SVEP1: variants seen among roughly 807,000 people sequenced by gnomAD.
The protein encoded by SVEP1 is sushi, von Willebrand factor type A, EGF and pentraxin domain-containing protein 1.
A neutral mutation model predicts 367.3 loss-of-function variants in SVEP1; 164 were observed. That is an observed-to-expected ratio of 0.45 (90% CI 0.39 to 0.51). The LOEUF (loss-of-function observed/expected upper bound fraction) is 0.51, where lower values mean the gene tolerates loss of function less well. Among genes scored for constraint, SVEP1 ranks in the 20% least tolerant of loss-of-function variants. The pLI, the probability that SVEP1 is intolerant of heterozygous loss-of-function variation, is 0.00. For synonymous variants in SVEP1, 1,666 were observed against 1,611.6 expected, an observed-to-expected ratio of 1.03 and a Z score of -0.81; for missense variants, 4,117 against 4,425.3, an observed-to-expected ratio of 0.93 and a Z score of 1.98.
Position 110,408,568 on chromosome 9 carries a change from A to C in SVEP1, c.7032T>G (p.Val2344=), listed in dbSNP as rs1408250830. The part of the protein sequence containing the change: ...VLKELTTEVG[V]VTFSCKEGHV... ...GCCCTTCTTTACAGGAAAATGTCAC[A>C]ACTCCTACCTCGGTGGTCAACTCCT... The change falls in exon 38 of 48, where the codon GTT becomes GTG. Residue 2344 remains valine, a synonymous_variant. Coordinates refer to ENST00000374469, the MANE Select transcript of SVEP1 (RefSeq NM_153366.4). 6.2e-7 allele frequency: 1 copy of C among 1,613,834 alleles called. No individual in the cohort carries two copies. Among genetic ancestry groups the C allele is most frequent in the Non-Finnish European group, 8.5e-7 (1 of 1,179,854 alleles).
Position 110,411,391 on chromosome 9 carries a change from A to G in SVEP1, c.6320T>C (p.Val2107Ala). Residue 2107 changes from valine (V) to alanine (A), a missense_variant, in exon 37 of 48, where the codon GTT (valine) becomes GCT (alanine). Physicochemically the swap from Val to Ala is moderately conservative, Grantham distance 64. This residue lies in a region of SVEP1 where 2,174 missense variants were observed against 2,494.3 expected (regional missense o/e 0.87). Coordinates refer to ENST00000374469, the MANE Select transcript of SVEP1 (RefSeq NM_153366.4). ...GCCTTCCATGCATTTAAAGCTCACAACTGAGCCAGCTGCAAATTTTGCTTT... is the reference window on the plus strand; with the variant it reads ...GCCTTCCATGCATTTAAAGCTCACAGCTGAGCCAGCTGCAAATTTTGCTTT... ...VSKAKFAAGSVVSFKCMEGFV... is the reference protein window; with the variant it reads ...VSKAKFAAGSAVSFKCMEGFV... The G allele has an allele frequency of 1.2e-6, 2 of 1,614,006 alleles. No homozygotes were observed. Among genetic ancestry groups the G allele is most frequent in the Non-Finnish European group, 1.7e-6 (2 of 1,179,888 alleles).
chr9:110,390,381 A>C (rs1182092954), intron 40 of SVEP1, among the ~76,000 whole-genome samples: 1 of 100,060 alleles, frequency 1.0e-5, no homozygotes, highest in Non-Finnish European at 2.1e-5. Context: ...CTACTTATAT[A>C]TATATATACT....
intron 3 of SVEP1, among the ~76,000 whole-genome samples, chr9:110,526,047 C>T (rs1829936424): frequency 6.6e-6 from 1 of 152,086 alleles, no homozygotes; most frequent in Non-Finnish European, 1.5e-5. Flanking sequence ...GTAAAAATAT[C>T]ATGGATTTAA....
Position 110,448,666 on chromosome 9 carries a change from C to T in SVEP1, c.4103+1393G>A, listed in dbSNP as rs557109700. 2.0e-5 allele frequency among the ~76,000 whole-genome samples: 3 copies of T among 152,348 alleles called. No homozygotes were observed. The East Asian group carries it at 5.8e-4, about 29-fold the overall frequency. On this transcript the variant is annotated intron_variant, in intron 24 of 47. Coordinates refer to ENST00000374469, the MANE Select transcript of SVEP1 (RefSeq NM_153366.4). Reference sequence around the variant, plus strand: ...TCTGAATTGGGAGCGTGTACCTTCACCTTTCTTCTAGTTAGGATTTAGACA... The same window carrying T: ...TCTGAATTGGGAGCGTGTACCTTCATCTTTCTTCTAGTTAGGATTTAGACA...
intron 13 of SVEP1, 74 bp downstream of exon 13, chr9:110,479,561 C>A: frequency 6.8e-7 from 1 of 1,465,646 alleles, no homozygotes; most frequent in Admixed American, 2.6e-5. Flanking sequence ...TGAGAAATCG[C>A]AGTTGTAAAT....
At chr9:110,410,912 A>C (rs1456766626) in intron 37 of SVEP1, 151 bp downstream of exon 37, 8 of 602,368 alleles carry the variant, frequency 1.3e-5, no homozygotes, top group Non-Finnish European at 1.9e-5. Context: ...TAAAAAGATT[A>C]TCATGATTCT....
At chr9:110,466,617 C>T (rs1215726587) in intron 17 of SVEP1, among the ~76,000 whole-genome samples, 1 of 150,826 alleles carries the variant, frequency 6.6e-6, no homozygotes, top group Non-Finnish European at 1.5e-5. Flanking sequence ...AAAAATTAGC[C>T]GGGCGTAGTG....
intron 18 of SVEP1, among the ~76,000 whole-genome samples, chr9:110,465,287 G>C (rs557792698): frequency 6.6e-6 from 1 of 150,444 alleles, no homozygotes; most frequent in Non-Finnish European, 1.5e-5. Flanking sequence ...TAATCACCTG[G>C]GGAAACTTAA....
intron 9 of SVEP1, among the ~76,000 whole-genome samples, chr9:110,485,634 A>G (rs952147418): frequency 6.6e-6 from 1 of 152,210 alleles, no homozygotes; most frequent in Non-Finnish European, 1.5e-5. Context: ...CTTTAATTTA[A>G]TTATACATTT....
chr9:110,542,434 C>T (rs1830163310), intron 3 of SVEP1, among the ~76,000 whole-genome samples: 1 of 152,102 alleles, frequency 6.6e-6, no homozygotes, highest in East Asian at 1.9e-4. Context: ...AGGATAAATA[C>T]TCAGAATTCC....
chr9:110,514,205 A>G, intron 3 of SVEP1, 99 bp from the exon 4 acceptor site: 1 of 1,462,804 alleles, frequency 6.8e-7, no homozygotes, highest in Non-Finnish European at 9.3e-7. Flanking sequence ...GCCAAACAAT[A>G]GTTTTCCATA....
intron 36 of SVEP1, among the ~76,000 whole-genome samples, chr9:110,422,514 TG>T (rs1828174668): frequency 3.5e-5 from 1 of 28,930 alleles, no homozygotes; most frequent in Admixed American, 3.9e-4. Flanking sequence ...ACTTTTACAC[TG>T]TTGGTGGGAC....
chr9:110,422,788 C>T (rs1026641319), intron 36 of SVEP1, among the ~76,000 whole-genome samples: 1 of 103,428 alleles, frequency 9.7e-6, no homozygotes, highest in Non-Finnish European at 2.0e-5. Context: ...TACTATGCAG[C>T]CATAAAAAAT....
At chr9:110,429,417 T>C in intron 34 of SVEP1, 83 bp from the exon 35 acceptor site, 1 of 1,006,694 alleles carries the variant, frequency 9.9e-7, no homozygotes, top group African/African-American at 1.6e-5. Flanking sequence ...TCTAAAAATA[T>C]TAAGAATTTA....
intron 47 of SVEP1, 144 bp downstream of exon 47, chr9:110,369,779 G>A: frequency 1.5e-6 from 1 of 650,436 alleles, no homozygotes; most frequent in Non-Finnish European, 2.6e-6. Context: ...TTCAAATTTA[G>A]AGAGCCTGTC....
intron 46 of SVEP1, among the ~76,000 whole-genome samples, chr9:110,372,662 TG>T (rs1827295719): frequency 6.6e-6 from 1 of 152,068 alleles, no homozygotes. Context: ...AGGCAGGACT[TG>T]GGGGTTGAGT....
chr9:110,555,435 T>C (rs1457399912), intron 1 of SVEP1, among the ~76,000 whole-genome samples: 1 of 152,184 alleles, frequency 6.6e-6, no homozygotes, highest in Non-Finnish European at 1.5e-5. Context: ...ATGTTTTGTA[T>C]AGTTTTGTAC....
Position 110,407,930 on chromosome 9 carries a change from T to G in SVEP1, c.7670A>C (p.Asp2557Ala). 6.2e-7 allele frequency: 1 copy of G among 1,614,002 alleles called. No individual in the cohort carries two copies. Among genetic ancestry groups the G allele is most frequent in the South Asian group, 1.1e-5 (1 of 91,080 alleles). Residue 2557 changes from aspartate (D) to alanine (A), a missense_variant, in exon 38 of 48, where the codon GAT becomes GCT. Physicochemically the swap from Asp to Ala is moderately radical, Grantham distance 126 (BLOSUM62 -2). Coordinates refer to ENST00000374469, the MANE Select transcript of SVEP1 (RefSeq NM_153366.4). ...ACCATTTTCAATGGGTTGTGGGGAATCACAGTGGATGGCATTGCAAGATGG... is the reference window on the plus strand; with the variant it reads ...ACCATTTTCAATGGGTTGTGGGGAAGCACAGTGGATGGCATTGCAAGATGG... Reference protein sequence around the residue: ...DAPSCNAIHCDSPQPIENGFV... With the variant: ...DAPSCNAIHCASPQPIENGFV...
rs775509456 is a variant in SVEP1, at chr9:110,434,336, G to A, written c.5059C>T (p.Arg1687Cys). 6.3e-6 allele frequency: 10 copies of A among 1,592,454 alleles called. No homozygotes were observed. The highest frequency in any genetic ancestry group is 4.0e-5 in the African/African-American group (3 of 74,538). The change falls in exon 30 of 48, where the codon CGC becomes TGC. Residue 1687 changes from arginine to cysteine, a missense_variant and splice_region_variant. Arg to Cys is a radical substitution (Grantham distance 180, BLOSUM62 -3). Transcript: ENST00000374469. ...AATGGCTTCAAGAAAGGCAGCTCACGTTCACAGTGAGGAAGTGGTTGTGTC... is the reference window on the plus strand; with the variant it reads ...AATGGCTTCAAGAAAGGCAGCTCACATTCACAGTGAGGAAGTGGTTGTGTC... ...QWTQPLPHCE[R>C]ISCGVPPPLE...
Sources: allele counts gnomAD v4.1 joint callset (sites outside exome capture counted in the v4.1 genomes callset), GRCh38; gene constraint gnomAD v4.1.1; regional missense constraint gnomAD v4.1.1; transcripts MANE v1.5; gene names NCBI Gene and HGNC (gene_info 2026-07-23, HGNC 2026-07-21).